The following TLE1 variants were observed in gnomAD, a reference collection of about 807,000 sequenced individuals.
TLE1 encodes the protein transducin-like enhancer protein 1.
Under a neutral mutation model 89.8 loss-of-function variants are expected in TLE1, and 21 were observed. That is an observed-to-expected ratio of 0.23 (90% CI 0.17 to 0.34). TLE1 has a LOEUF of 0.34. TLE1 is among the 10% of genes least tolerant of loss of function. TLE1 has a pLI of 1.00. For missense variants in TLE1, 795 were observed against 1,031.2 expected, an observed-to-expected ratio of 0.77 and a Z score of 3.14; for synonymous variants, 447 against 407.6, an observed-to-expected ratio of 1.10 and a Z score of -1.16.
intron 6 of TLE1, among the ~76,000 whole-genome samples, chr9:81,642,208 A>G (rs141188720): frequency 3.9e-5 from 6 of 152,188 alleles, no homozygotes; most frequent in African/African-American, 1.4e-4. Flanking sequence ...AAAAGTTAAA[A>G]ATAGAACTAC....
At position 81,611,775 on chromosome 9, in the gene TLE1, G is replaced by A; in HGVS notation, c.1248C>T (p.Ser416=). 11 of 1,529,738 alleles carry A rather than the reference G, an allele frequency of 7.2e-6. No homozygotes were observed. The highest frequency in any genetic ancestry group is 2.6e-5 in the East Asian group (1 of 38,454). The allele number at this position is 1,529,738 out of a possible 1,614,324, so 94.8% of individuals were successfully genotyped here. A position where few individuals can be genotyped will look rare whatever the true frequency, so the allele number is the denominator to read the frequency against. ...AAAAVVAYGR[S]PMVGFDPPPH... is the part of the protein sequence containing the mutation. ...CCACCCGACAGCGGCCTACCATGGG[G>A]GAGCGCCCGTAGGCCACCACGGCGG... The change falls in exon 13 of 20, where the codon TCC becomes TCT. Residue 416 remains serine (S), a synonymous_variant. Coordinates refer to ENST00000376499, the MANE Select transcript of TLE1 (RefSeq NM_005077.5).
chr9:81,685,387 T>G (rs1834129906), intron 4 of TLE1, among the ~76,000 whole-genome samples: 1 of 152,162 alleles, frequency 6.6e-6, no homozygotes, highest in South Asian at 2.1e-4. Context: ...AGAGGATAAA[T>G]CTATACAGGT....
intron 8 of TLE1, among the ~76,000 whole-genome samples, chr9:81,629,623 AT>A (rs1369927784): frequency 6.6e-6 from 1 of 152,212 alleles, no homozygotes. Flanking sequence ...CAATTTCATC[AT>A]TGTGCAAATA....
At chr9:81,616,602 T>A (rs775449128) in intron 10 of TLE1, 44 bp downstream of exon 10, 1 of 1,606,096 alleles carries the variant, frequency 6.2e-7, no homozygotes, top group African/African-American at 1.3e-5. Flanking sequence ...CATAACATTA[T>A]TCAAATCATT....
chr9:81,632,227 A>C (rs1826729951), intron 8 of TLE1, among the ~76,000 whole-genome samples: 1 of 152,058 alleles, frequency 6.6e-6, no homozygotes, highest in Non-Finnish European at 1.5e-5. Context: ...TTGTCCCCCC[A>C]ATCCCCTCTC....
At chr9:81,586,610 T>C (rs1396930993) in intron 17 of TLE1, among the ~76,000 whole-genome samples, 6 of 152,216 alleles carry the variant, frequency 3.9e-5, no homozygotes, top group Non-Finnish European at 7.3e-5. Flanking sequence ...GATATGCTGC[T>C]AGAGTTTATT....
At chr9:81,671,505 C>G (rs545234170) in intron 4 of TLE1, among the ~76,000 whole-genome samples, 1 of 152,010 alleles carries the variant, frequency 6.6e-6, no homozygotes, top group African/African-American at 2.4e-5. Flanking sequence ...ATTAGCAGGG[C>G]GTGGTGGCAT....
chr9:81,651,236 C>G (rs1269084127), intron 6 of TLE1, among the ~76,000 whole-genome samples: 2 of 152,172 alleles, frequency 1.3e-5, no homozygotes, highest in African/African-American at 4.8e-5. Flanking sequence ...GCTCAAGGCA[C>G]TCACATATGA....
rs932943513 is a variant in TLE1, at chr9:81,660,978, C to A, written c.235-6942G>T. Reference sequence around the variant, plus strand: ...ACACACACACACACACACACACACACATTTAGCCTGGCGTGGTGGCACGTG... The same window carrying A: ...ACACACACACACACACACACACACAAATTTAGCCTGGCGTGGTGGCACGTG... On this transcript the variant is annotated intron_variant, in intron 4 of 19. Coordinates refer to ENST00000376499, the MANE Select transcript of TLE1 (RefSeq NM_005077.5). 5.7e-5 allele frequency among the ~76,000 whole-genome samples: 7 copies of A among 121,756 alleles called. No individual in the cohort carries two copies. In the East Asian group the frequency reaches 7.7e-4, roughly 13 times the overall value. The allele number at this position is 121,756 out of a possible 152,430, so 79.9% of individuals were successfully genotyped here.
chr9:81,606,376 G>A (rs1563957762), intron 14 of TLE1, among the ~76,000 whole-genome samples: 1 of 152,154 alleles, frequency 6.6e-6, no homozygotes, highest in South Asian at 2.1e-4. Flanking sequence ...CAACCCAAAT[G>A]TCCATCAATG....
chr9:81,668,693 T>C (rs1476287082), intron 4 of TLE1, among the ~76,000 whole-genome samples: 1 of 152,006 alleles, frequency 6.6e-6, no homozygotes, highest in Admixed American at 6.6e-5. Context: ...ATACACATAA[T>C]TAAAAGTATG....
intron 6 of TLE1, among the ~76,000 whole-genome samples, chr9:81,648,902 C>A (rs1055622887): frequency 3.3e-5 from 5 of 152,272 alleles, no homozygotes; most frequent in South Asian, 4.1e-4. Context: ...TCCCACAATG[C>A]GACTTGTTTT....
intron 6 of TLE1, among the ~76,000 whole-genome samples, chr9:81,648,283 A>C (rs1285408308): frequency 6.6e-6 from 1 of 151,824 alleles, no homozygotes. Context: ...AAAAAAAAAA[A>C]AACCCAAGCA....
chr9:81,606,758 T>C (rs1394094577), intron 14 of TLE1, among the ~76,000 whole-genome samples: 1 of 151,448 alleles, frequency 6.6e-6, no homozygotes, highest in African/African-American at 2.4e-5. Flanking sequence ...ACATGTACCC[T>C]AGAACTTAAA....
intron 4 of TLE1, among the ~76,000 whole-genome samples, chr9:81,681,394 T>C (rs1029032217): frequency 6.6e-6 from 1 of 151,422 alleles, no homozygotes; most frequent in Non-Finnish European, 1.5e-5. Context: ...CTACTAAAAA[T>C]AAAAAATTAG....
At chr9:81,591,092 G>A (rs772157623) in intron 15 of TLE1, 40 bp from the exon 16 acceptor site, 13 of 1,593,596 alleles carry the variant, frequency 8.2e-6, no homozygotes, top group Middle Eastern at 1.8e-4. Context: ...ATGAATTACC[G>A]AGCAATCATA....
intron 17 of TLE1, among the ~76,000 whole-genome samples, chr9:81,586,076 G>A (rs531990291): frequency 4.9e-4 from 72 of 148,316 alleles, no homozygotes; most frequent in Non-Finnish European, 9.5e-4. Flanking sequence ...GGAGTGAAGC[G>A]GCGTTATCTC....
In TLE1 at chr9:81,660,014, T is replaced by C. The variant is rs1018191310; in HGVS notation, c.235-5978A>G. Among the ~76,000 whole-genome samples the C allele has an allele frequency of 1.4e-4, 21 of 152,284 alleles. No individual in the cohort carries two copies. In the East Asian group the frequency reaches 4.1e-3, roughly 29 times the overall value. On this transcript the variant is annotated intron_variant, in intron 4 of 19. Transcript: ENST00000376499. ...TCAAGATCCTCCACAGCACTTACTG[T>C]CATTTGGTAAACTAAACCTATGTGC...
chr9:81,633,651 C>T (rs1252137650), intron 7 of TLE1: 1 of 519,350 alleles, frequency 1.9e-6, no homozygotes, highest in Non-Finnish European at 3.4e-6. Context: ...GCAATTTTGC[C>T]CAATATTTAA....
Sources: gnomAD v4.1 joint callset for allele counts (sites outside exome capture counted in the v4.1 genomes callset) on GRCh38, gnomAD v4.1.1 for gene constraint, MANE v1.5 for transcripts, NCBI Gene and HGNC (gene_info 2026-07-23, HGNC 2026-07-21) for gene names.